The following BLMH variants were observed in gnomAD, a reference collection of about 807,000 sequenced individuals.
BLMH encodes the protein bleomycin hydrolase.
In BLMH, 32 loss-of-function variants were observed where a neutral mutation model predicts 61.6. That is an observed-to-expected ratio of 0.52 (90% CI 0.39 to 0.70). The LOEUF (loss-of-function observed/expected upper bound fraction) is 0.70. Ranked by LOEUF, BLMH falls within the 30% of genes least tolerant of loss-of-function variation. BLMH has a pLI of 0.00. For synonymous variants in BLMH, 183 were observed against 193.8 expected, an observed-to-expected ratio of 0.94 and a Z score of 0.46; for missense variants, 460 against 555.5, an observed-to-expected ratio of 0.83 and a Z score of 1.73.
At chr17:30,249,338 A>AG in intron 11 of BLMH, 170 bp from the exon 12 acceptor site, 1 of 748,710 alleles carries the variant, frequency 1.3e-6, no homozygotes, top group South Asian at 2.0e-5. Context: ...TGAAGCAGAT[A>AG]GGACAGGCAT....
intron 6 of BLMH, among the ~76,000 whole-genome samples, chr17:30,283,758 G>A (rs1482158062): frequency 6.6e-6 from 1 of 152,056 alleles, no homozygotes; most frequent in Admixed American, 6.6e-5. Context: ...CTGACCTTAT[G>A]ATCCGCCCAC....
At chr17:30,281,991 A>C (rs1426887880) in intron 6 of BLMH, among the ~76,000 whole-genome samples, 3 of 152,186 alleles carry the variant, frequency 2.0e-5, no homozygotes, top group Non-Finnish European at 4.4e-5. Flanking sequence ...GAATTTCCTA[A>C]GTCAATCATA....
intron 10 of BLMH, among the ~76,000 whole-genome samples, chr17:30,269,835 C>T (rs1908217258): frequency 6.6e-6 from 1 of 152,190 alleles, no homozygotes; most frequent in Non-Finnish European, 1.5e-5. Flanking sequence ...CACCTTTACA[C>T]CATACTGTGT....
In BLMH at chr17:30,286,842, C is replaced by A; in HGVS notation, c.524G>T (p.Arg175Ile). 1 of 1,595,380 alleles carries A rather than the reference C, an allele frequency of 6.3e-7. No homozygotes were observed. The highest frequency in any genetic ancestry group is 8.6e-7 in the Non-Finnish European group (1 of 1,163,256). ...FPESYTTEAT[R>I]RMNDILNHKM... ...GTGATTCAGAATATCATTCATCCTT[C>A]TGGTTGCCTCTGTTGTATAAGATTC... Residue 175 changes from arginine (R) to isoleucine (I), a missense_variant, in exon 5 of 12, where the codon AGA becomes ATA. Coordinates refer to ENST00000261714, the MANE Select transcript of BLMH (RefSeq NM_000386.4).
chr17:30,251,847 CTA>C (rs1490011062), intron 11 of BLMH, among the ~76,000 whole-genome samples: 1 of 152,052 alleles, frequency 6.6e-6, no homozygotes, highest in African/African-American at 2.4e-5. Flanking sequence ...GGACTAATAT[CTA>C]TCATTATTTA....
At chr17:30,251,929 T>A (rs1907677074) in intron 11 of BLMH, 1 of 152,232 alleles carries the variant, frequency 6.6e-6, no homozygotes, top group Non-Finnish European at 1.5e-5. Context: ...AAAATGAATA[T>A]AAACAATATA....
chr17:30,291,588 C>A, intron 1 of BLMH, 80 bp from the exon 2 acceptor site: 1 of 1,555,006 alleles, frequency 6.4e-7, no homozygotes, highest in Non-Finnish European at 8.8e-7. Flanking sequence ...CCGAATCTAA[C>A]TTCGTAAGCG....
intron 10 of BLMH, among the ~76,000 whole-genome samples, chr17:30,268,922 C>T (rs866210638): frequency 7.4e-5 from 11 of 149,240 alleles, no homozygotes; most frequent in South Asian, 4.3e-4. Context: ...CGATGGTGCA[C>T]GCCTGCACTC....
chr17:30,267,014 A>C, intron 10 of BLMH, 60 bp from the exon 11 acceptor site: 4 of 1,528,456 alleles, frequency 2.6e-6, no homozygotes, highest in Non-Finnish European at 2.7e-6. Context: ...CTGAGGTGTC[A>C]TATAATTTTA....
chr17:30,258,790 C>G (rs1907883148), intron 11 of BLMH, among the ~76,000 whole-genome samples: 2 of 152,184 alleles, frequency 1.3e-5, no homozygotes. Flanking sequence ...AACTCAATGA[C>G]TTTTCTCTCA....
chr17:30,289,608 C>T, intron 2 of BLMH, 126 bp from the exon 3 acceptor site: 1 of 511,732 alleles, frequency 2.0e-6, no homozygotes. Flanking sequence ...TCAGAAAGAG[C>T]AGAAAGATTA....
intron 11 of BLMH, among the ~76,000 whole-genome samples, chr17:30,263,731 G>C (rs930990061): frequency 1.4e-4 from 22 of 152,322 alleles, no homozygotes; most frequent in Non-Finnish European, 1.8e-4. Flanking sequence ...CATGACCAAT[G>C]GGGAGAACCA....
At chr17:30,267,018 A>T (rs552019111) in intron 10 of BLMH, 64 bp from the exon 11 acceptor site, 9 of 1,501,720 alleles carry the variant, frequency 6.0e-6, no homozygotes, top group Middle Eastern at 3.4e-4. Flanking sequence ...GGTGTCATAT[A>T]ATTTTAGCTC....
At chr17:30,286,988 T>C in intron 4 of BLMH, 86 bp from the exon 5 acceptor site, 7 of 837,008 alleles carry the variant, frequency 8.4e-6, no homozygotes, top group Non-Finnish European at 1.4e-5. Flanking sequence ...AAATAGGCGA[T>C]ATTTTGCTGG....
chr17:30,260,643 G>C (rs1366356084), intron 11 of BLMH, among the ~76,000 whole-genome samples: 1 of 152,186 alleles, frequency 6.6e-6, no homozygotes, highest in Non-Finnish European at 1.5e-5. Flanking sequence ...ACTTTGGGAG[G>C]ATGAGGTGGG....
chr17:30,278,211 T>C (rs1013630480), intron 6 of BLMH, among the ~76,000 whole-genome samples: 1 of 152,162 alleles, frequency 6.6e-6, no homozygotes, highest in African/African-American at 2.4e-5. Context: ...GGCAGTGAGC[T>C]TTAGATATCC....
chr17:30,254,456 T>C (rs1402171241), intron 11 of BLMH, among the ~76,000 whole-genome samples: 2 of 152,268 alleles, frequency 1.3e-5, no homozygotes, highest in East Asian at 3.9e-4. Context: ...GGAGAAACCA[T>C]TTCACAGAAC....
At chr17:30,288,666 A>G (rs1413467038) in intron 3 of BLMH, among the ~76,000 whole-genome samples, 1 of 152,022 alleles carries the variant, frequency 6.6e-6, no homozygotes, top group Non-Finnish European at 1.5e-5. Context: ...CATTTTGAAG[A>G]TTAGGAAATG....
chr17:30,287,351 T>G (rs1908761719), intron 4 of BLMH, among the ~76,000 whole-genome samples: 1 of 152,204 alleles, frequency 6.6e-6, no homozygotes, highest in Non-Finnish European at 1.5e-5. Flanking sequence ...ATGTGCATAT[T>G]TATCTGTCTA....
Sources: gnomAD v4.1 joint callset for allele counts (sites outside exome capture counted in the v4.1 genomes callset) on GRCh38, gnomAD v4.1.1 for gene constraint, MANE v1.5 for transcripts, NCBI Gene and HGNC (gene_info 2026-07-23, HGNC 2026-07-21) for gene names.